Variants in SLC2A10 observed in about 807,000 individuals in gnomAD.
SLC2A10 encodes the protein solute carrier family 2 member 10.
A neutral mutation model predicts 32.1 loss-of-function variants in SLC2A10; 25 were observed. That is an observed-to-expected ratio of 0.78 (90% CI 0.57 to 1.09). The LOEUF (loss-of-function observed/expected upper bound fraction) is 1.09. SLC2A10 is among the 50% of genes least tolerant of loss of function. The probability of loss-of-function intolerance (pLI) is 0.00; values close to 1 mark genes in which losing one functional copy is unlikely to be tolerated. For missense variants in SLC2A10, 673 were observed against 686.5 expected, an observed-to-expected ratio of 0.98 and a Z score of 0.22; for synonymous variants, 332 against 309.6, an observed-to-expected ratio of 1.07 and a Z score of -0.76.
In SLC2A10 at chr20:46,726,874, T is replaced by C. The variant is rs879632885; in HGVS notation, c.1299T>C (p.Leu433=). 1.4e-5 allele frequency: 23 copies of C among 1,591,756 alleles called. No individual in the cohort carries two copies. Among genetic ancestry groups the C allele is most frequent in the Non-Finnish European group, 2.0e-5 (23 of 1,171,344 alleles). Residue 433 remains leucine (L), a synonymous_variant, in exon 3 of 5, where the codon CTT becomes CTC. Transcript: ENST00000359271. ...GCTCTCCCACCCTAGTGACCTGGCT[T>C]GTCCTCAGCGAGATCTACCCTGTGG... ...FSFGFGPVTW[L]VLSEIYPVEI... is the part of the protein sequence containing the mutation.
chr20:46,732,294 C>CAA (rs10624698), intron 4 of SLC2A10, among the ~76,000 whole-genome samples: 20,510 of 151,938 alleles, frequency 0.13, 2,105 homozygotes, highest in African/African-American at 0.27. Context: ...GGGGATATAA[C>CAA]AAAAAAAATT....
chr20:46,713,115 CATTT>C (rs1303344734), intron 1 of SLC2A10, among the ~76,000 whole-genome samples: 2 of 152,138 alleles, frequency 1.3e-5, no homozygotes, highest in African/African-American at 4.8e-5. Context: ...CTCAATCATT[CATTT>C]GTTTAACAAA....
At chr20:46,716,078 G>A (rs759352485) in intron 1 of SLC2A10, among the ~76,000 whole-genome samples, 5 of 151,850 alleles carry the variant, frequency 3.3e-5, no homozygotes, top group Admixed American at 6.6e-5. Context: ...TAAGTGAGTT[G>A]CTTTACCCCC....
chr20:46,721,170 T>C (rs1216329398), intron 1 of SLC2A10, among the ~76,000 whole-genome samples: 1 of 152,084 alleles, frequency 6.6e-6, no homozygotes, highest in African/African-American at 2.4e-5. Context: ...ATTCTGGTGG[T>C]TAAAACTAGT....
At chr20:46,711,002 A>G (rs1978878489) in intron 1 of SLC2A10, among the ~76,000 whole-genome samples, 1 of 151,888 alleles carries the variant, frequency 6.6e-6, no homozygotes, top group Non-Finnish European at 1.5e-5. Flanking sequence ...CCTCCCAAGT[A>G]GCTGGGATTA....
At chr20:46,721,331 C>A (rs981417928) in intron 1 of SLC2A10, among the ~76,000 whole-genome samples, 3 of 151,298 alleles carry the variant, frequency 2.0e-5, no homozygotes, top group East Asian at 3.9e-4. Context: ...AGTTAGTTAC[C>A]AAAACAGAAA....
Position 46,726,908 on chromosome 20 carries a change from G to A in SLC2A10, c.1333G>A (p.Gly445Arg), listed in dbSNP as rs1600669456. 6.2e-7 allele frequency: 1 copy of A among 1,613,636 alleles called. No homozygotes were observed. Among genetic ancestry groups the A allele is most frequent in the Non-Finnish European group, 8.5e-7 (1 of 1,179,526 alleles). ...LSEIYPVEIR[G>R]RAFAFCNSFN... ...CGAGATCTACCCTGTGGAGATACGA[G>A]GAAGAGCCTTCGCCTTCTGCAACAG... Residue 445 changes from glycine (G) to arginine (R), a missense_variant, in exon 3 of 5, where the codon GGA becomes AGA. Physicochemically the swap from Gly to Arg is moderately radical, Grantham distance 125. Transcript: ENST00000359271.
At chr20:46,708,324 A>C (rs1978707122), upstream of SLC2A10, among the ~76,000 whole-genome samples, 1 of 152,180 alleles carries the variant, frequency 6.6e-6, no homozygotes, top group African/African-American at 2.4e-5. Context: ...ACACGTATTG[A>C]GAGGCTGGAT....
chr20:46,733,814 G>A lies in SLC2A10; in HGVS notation c.1606G>A (p.Glu536Lys), dbSNP rs1238866581. ...CACTGGCATCCCGTACAGCCGCATC[G>A]AGATCTCTGCGGCCTCCTGAGGAAT... ...NSTGIPYSRI[E>K]ISAAS The change falls in exon 5 of 5, where the codon GAG (glutamate) becomes AAG (lysine). Residue 536 changes from glutamate (E) to lysine (K), a missense_variant. Physicochemically the swap from Glu to Lys is moderately conservative, Grantham distance 56. Transcript: ENST00000359271. The A allele has an allele frequency of 4.3e-6, 7 of 1,614,060 alleles. No homozygotes were observed. The Admixed American group carries it at 5.0e-5, about 12-fold the overall frequency.
intron 4 of SLC2A10, among the ~76,000 whole-genome samples, chr20:46,731,128 C>T (rs772010791): frequency 3.9e-5 from 6 of 152,164 alleles, no homozygotes; most frequent in Admixed American, 6.5e-5. Context: ...GTCCAAATGT[C>T]GGTTGGGGGT....
chr20:46,709,214 G>C (rs1978755529), upstream of SLC2A10, among the ~76,000 whole-genome samples: 1 of 152,192 alleles, frequency 6.6e-6, no homozygotes. Flanking sequence ...CCATGAGAGA[G>C]TGAGCGGCTC....
intron 1 of SLC2A10, among the ~76,000 whole-genome samples, chr20:46,713,952 T>G (rs1443870691): frequency 1.3e-5 from 2 of 152,056 alleles, no homozygotes; most frequent in Non-Finnish European, 2.9e-5. Flanking sequence ...GCATGGGAAT[T>G]GGTCAGGAAC....
intron 4 of SLC2A10, among the ~76,000 whole-genome samples, chr20:46,732,895 C>T (rs1293281650): frequency 6.6e-6 from 1 of 152,026 alleles, no homozygotes; most frequent in Non-Finnish European, 1.5e-5. Context: ...GTGGAGGGAA[C>T]AGCAAGAGCA....
chr20:46,721,287 A>G (rs894104617), intron 1 of SLC2A10, among the ~76,000 whole-genome samples: 10 of 152,198 alleles, frequency 6.6e-5, no homozygotes, highest in African/African-American at 2.4e-4. Flanking sequence ...CACAGCCCAA[A>G]AAGGGCAAGT....
chr20:46,723,933 A>C (rs912414355), intron 1 of SLC2A10, among the ~76,000 whole-genome samples: 7 of 152,248 alleles, frequency 4.6e-5, no homozygotes, highest in African/African-American at 1.7e-4. Flanking sequence ...CTTAAAACAG[A>C]TTCTGGCATT....
chr20:46,713,189 C>T (rs1568978959), intron 1 of SLC2A10, among the ~76,000 whole-genome samples: 1 of 152,056 alleles, frequency 6.6e-6, no homozygotes. Flanking sequence ...TGAGAAGAAA[C>T]AAACCACTCC....
chr20:46,721,201 G>A (rs142015802), intron 1 of SLC2A10, among the ~76,000 whole-genome samples: 1,780 of 152,292 alleles, frequency 0.012, 16 homozygotes, highest in Middle Eastern at 0.027. Flanking sequence ...CTCAGATTCA[G>A]TGTGAGAGGG....
rs900029285 is a variant in SLC2A10, at chr20:46,709,692, C to T, written c.-45C>T. ...TGGGGACTCCGGCGGGGGATGCGCG[C>T]CCGGCCCCTCAGCGCCCCCAGCACG... On this transcript the variant is annotated 5_prime_UTR_variant, in exon 1 of 5. Transcript: ENST00000359271. 1.3e-6 allele frequency: 2 copies of T among 1,536,408 alleles called. No individual in the cohort carries two copies. Among genetic ancestry groups the T allele is most frequent in the African/African-American group, 2.8e-5 (2 of 70,988 alleles).
At chr20:46,722,466 A>T (rs1327821295) in intron 1 of SLC2A10, among the ~76,000 whole-genome samples, 1 of 152,198 alleles carries the variant, frequency 6.6e-6, no homozygotes, top group Admixed American at 6.5e-5. Context: ...ATGTCTTCAG[A>T]CTTTCTTGCC....
Sources: allele counts gnomAD v4.1 joint callset (sites outside exome capture counted in the v4.1 genomes callset), GRCh38; gene constraint gnomAD v4.1.1; transcripts MANE v1.5; gene names NCBI Gene and HGNC (gene_info 2026-07-23, HGNC 2026-07-21).